The following KCNU1 variants were observed in gnomAD, a reference collection of about 807,000 sequenced individuals.
KCNU1 encodes the protein potassium channel subfamily U member 1.
Under a neutral mutation model 126.8 loss-of-function variants are expected in KCNU1, and 93 were observed. The observed-to-expected ratio is 0.73, with a 90% CI of 0.62 to 0.87. KCNU1 has a LOEUF of 0.87. Among genes scored for constraint, KCNU1 ranks in the 40% least tolerant of loss-of-function variants. KCNU1 has a pLI of 0.00. For synonymous variants in KCNU1, 523 were observed against 494.2 expected, an observed-to-expected ratio of 1.06 and a Z score of -0.77; for missense variants, 1,330 against 1,367.1, an observed-to-expected ratio of 0.97 and a Z score of 0.43.
At chr8:36,917,347 C>T (rs1808153781) in intron 22 of KCNU1, among the ~76,000 whole-genome samples, 1 of 147,264 alleles carries the variant, frequency 6.8e-6, no homozygotes, top group Non-Finnish European at 1.5e-5. Context: ...ATTTTCCCCA[C>T]CAACTTCTTT....
intron 19 of KCNU1, among the ~76,000 whole-genome samples, chr8:36,871,163 C>T (rs1032155538): frequency 2.6e-5 from 4 of 152,112 alleles, no homozygotes; most frequent in African/African-American, 4.8e-5. Flanking sequence ...TGAAAATATA[C>T]ATACACATAT....
intron 18 of KCNU1, among the ~76,000 whole-genome samples, chr8:36,857,984 T>A (rs563666592): frequency 1.9e-4 from 29 of 152,104 alleles, no homozygotes; most frequent in African/African-American, 2.4e-5. Flanking sequence ...ACAGAACAAT[T>A]TCTAGAGATT....
At chr8:36,811,170 T>C (rs1186500369) in intron 7 of KCNU1, among the ~76,000 whole-genome samples, 1 of 152,094 alleles carries the variant, frequency 6.6e-6, no homozygotes, top group African/African-American at 2.4e-5. Context: ...AAGGACAATA[T>C]TGATTCAACC....
chr8:36,802,614 G>A (rs1374761482), intron 2 of KCNU1, among the ~76,000 whole-genome samples: 1 of 152,176 alleles, frequency 6.6e-6, no homozygotes, highest in Admixed American at 6.5e-5. Flanking sequence ...AGGGTGAGAA[G>A]TAGTGAGAGA....
At chr8:36,932,506 A>G (rs1331545959) in intron 25 of KCNU1, among the ~76,000 whole-genome samples, 1 of 152,080 alleles carries the variant, frequency 6.6e-6, no homozygotes, top group East Asian at 1.9e-4. Context: ...CCAGATGAGT[A>G]TTTGGGACTG....
At chr8:36,887,956 CG>C (rs1806783399) in intron 19 of KCNU1, among the ~76,000 whole-genome samples, 1 of 151,952 alleles carries the variant, frequency 6.6e-6, no homozygotes, top group South Asian at 2.1e-4. Flanking sequence ...ATAGAAGGGA[CG>C]GGGGTATCAT....
At chr8:36,848,743 A>G (rs1256991012) in intron 18 of KCNU1, among the ~76,000 whole-genome samples, 1 of 152,092 alleles carries the variant, frequency 6.6e-6, no homozygotes, top group Non-Finnish European at 1.5e-5. Context: ...GTTGCTAGAC[A>G]TGGTTTCAAG....
At chr8:36,817,915 A>G (rs1803981304) in intron 10 of KCNU1, among the ~76,000 whole-genome samples, 155 bp downstream of exon 10, 1 of 152,168 alleles carries the variant, frequency 6.6e-6, no homozygotes, top group Non-Finnish European at 1.5e-5. Flanking sequence ...TGACCAAGCT[A>G]ATCTCTGCAA....
At chr8:36,862,133 C>A (rs1414629064) in intron 18 of KCNU1, among the ~76,000 whole-genome samples, 1 of 152,076 alleles carries the variant, frequency 6.6e-6, no homozygotes, top group African/African-American at 2.4e-5. Context: ...TCCATTTCAA[C>A]TTTCCTCGCC....
At chr8:36,884,040 A>G (rs2117409348) in intron 19 of KCNU1, among the ~76,000 whole-genome samples, 1 of 152,282 alleles carries the variant, frequency 6.6e-6, no homozygotes, top group South Asian at 2.1e-4. Flanking sequence ...ACCTGAGATA[A>G]CGAAGTTTCA....
At chr8:36,838,281 T>C (rs1338041211) in intron 14 of KCNU1, among the ~76,000 whole-genome samples, 1 of 152,228 alleles carries the variant, frequency 6.6e-6, no homozygotes, top group Non-Finnish European at 1.5e-5. Context: ...TCAATCTCCA[T>C]GGCTGGAGAA....
chr8:36,827,552 A>C (rs1585423137), intron 10 of KCNU1, among the ~76,000 whole-genome samples: 1 of 152,152 alleles, frequency 6.6e-6, no homozygotes, highest in African/African-American at 2.4e-5. Context: ...TGCTTATATA[A>C]TTGATGACTT....
At chr8:36,788,367 C>T (rs948355123) in intron 2 of KCNU1, among the ~76,000 whole-genome samples, 1 of 152,118 alleles carries the variant, frequency 6.6e-6, no homozygotes, top group East Asian at 1.9e-4. Flanking sequence ...GTTTATTTCC[C>T]ATTGTCAGGA....
At chr8:36,919,026 G>C (rs1005655204) in intron 23 of KCNU1, 129 bp downstream of exon 23, 12 of 658,044 alleles carry the variant, frequency 1.8e-5, no homozygotes, top group Non-Finnish European at 3.0e-5. Context: ...AGCTTTAAGT[G>C]CTTGCCCGGA....
intron 10 of KCNU1, among the ~76,000 whole-genome samples, chr8:36,826,045 T>C (rs1279093433): frequency 6.6e-6 from 1 of 152,070 alleles, no homozygotes; most frequent in Non-Finnish European, 1.5e-5. Context: ...TGATCATTTC[T>C]GGAGGATTCT....
At chr8:36,792,870 A>G (rs1802953749) in intron 2 of KCNU1, among the ~76,000 whole-genome samples, 1 of 152,176 alleles carries the variant, frequency 6.6e-6, no homozygotes, top group Non-Finnish European at 1.5e-5. Context: ...TGTATAAACA[A>G]AATATCTCAG....
chr8:36,930,769 C>A (rs1239949724), intron 24 of KCNU1, among the ~76,000 whole-genome samples, 182 bp from the exon 25 acceptor site: 1 of 152,178 alleles, frequency 6.6e-6, no homozygotes, highest in East Asian at 1.9e-4. Flanking sequence ...CTTGGCCTAA[C>A]CTGGCACAGT....
At chr8:36,841,125 G>T in intron 16 of KCNU1, 122 bp downstream of exon 16, 1 of 697,772 alleles carries the variant, frequency 1.4e-6, no homozygotes. Context: ...TCCCTTTGGT[G>T]GATTGGCTGA....
intron 24 of KCNU1, among the ~76,000 whole-genome samples, chr8:36,927,679 T>C (rs1020594179): frequency 1.3e-5 from 2 of 152,142 alleles, no homozygotes; most frequent in African/African-American, 4.8e-5. Flanking sequence ...GGCTAGGATG[T>C]TAGCATCTAT....
Sources: gnomAD v4.1 joint callset for allele counts (sites outside exome capture counted in the v4.1 genomes callset) on GRCh38, gnomAD v4.1.1 for gene constraint, MANE v1.5 for transcripts, NCBI Gene and HGNC (gene_info 2026-07-23, HGNC 2026-07-21) for gene names.